MLLT3: variants seen among roughly 807,000 people sequenced by gnomAD.
The protein encoded by MLLT3 is MLLT3 super elongation complex subunit.
MLLT3 carries 4 observed loss-of-function variants against 53.2 expected under a neutral mutation model. The ratio of observed to expected loss-of-function variants is 0.08; its 90% CI spans 0.04 to 0.17. The LOEUF is 0.17. Ranked by LOEUF, MLLT3 falls within the 10% of genes least tolerant of loss-of-function variation. The pLI, the probability that MLLT3 is intolerant of heterozygous loss-of-function variation, is 1.00. For missense variants in MLLT3, 569 were observed against 684.0 expected (o/e 0.83, Z 1.87); for synonymous variants, 283 against 230.6 (o/e 1.23, Z -2.06).
At chr9:20,403,330 C>T (rs1253483178) in intron 5 of MLLT3, among the ~76,000 whole-genome samples, 1 of 152,090 alleles carries the variant, frequency 6.6e-6, no homozygotes. Context: ...AGTACCTAAG[C>T]CTTGAGAGGT....
chr9:20,364,833 G>A (rs917845478), intron 6 of MLLT3, among the ~76,000 whole-genome samples: 12 of 152,048 alleles, frequency 7.9e-5, no homozygotes, highest in Non-Finnish European at 1.3e-4. Context: ...TGATACCTAT[G>A]CATTTTTCAT....
intron 2 of MLLT3, among the ~76,000 whole-genome samples, chr9:20,568,325 G>A (rs1332947334): frequency 1.3e-5 from 2 of 152,046 alleles, no homozygotes; most frequent in African/African-American, 4.8e-5. Flanking sequence ...CTACTTTTCT[G>A]AATATTTTTA....
At chr9:20,431,436 G>A (rs1359482523) in intron 4 of MLLT3, among the ~76,000 whole-genome samples, 1 of 152,072 alleles carries the variant, frequency 6.6e-6, no homozygotes, top group Non-Finnish European at 1.5e-5. Context: ...GTTTAGGTAA[G>A]GCTGGAAAGC....
Position 20,433,474 on chromosome 9 carries a change from A to C in MLLT3, c.420+14649T>G, listed in dbSNP as rs533382312. Among the ~76,000 whole-genome samples the C allele has an allele frequency of 7.9e-5, 12 of 152,238 alleles. No homozygotes were observed. The East Asian group carries it at 1.9e-3, about 25-fold the overall frequency. On this transcript the variant is annotated intron_variant, in intron 4 of 10. Transcript: ENST00000380338. Reference sequence around the variant, plus strand: ...AGTACCTTCCAATAAAACACTTATTAATTACAGAGAGAAACTGTACAGTGG... The same window carrying C: ...AGTACCTTCCAATAAAACACTTATTCATTACAGAGAGAAACTGTACAGTGG...
intron 2 of MLLT3, among the ~76,000 whole-genome samples, chr9:20,615,360 G>GAAAAAAAAAAAAAAAAAAAAAAAAA (rs10601830): frequency 2.1e-5 from 1 of 48,758 alleles, no homozygotes; most frequent in Non-Finnish European, 3.8e-5. Context: ...CAGACCATGT[G>GAAAAAAAAAAAAAAAAAAAAAAAAA]AAAAAAAAAA....
At chr9:20,570,160 G>C (rs1387692567) in intron 2 of MLLT3, among the ~76,000 whole-genome samples, 1 of 152,058 alleles carries the variant, frequency 6.6e-6, no homozygotes, top group Non-Finnish European at 1.5e-5. Context: ...TAAAATTCTA[G>C]ACCTTGGCTT....
intron 2 of MLLT3, among the ~76,000 whole-genome samples, chr9:20,570,936 T>C (rs982301199): frequency 6.6e-6 from 1 of 152,230 alleles, no homozygotes. Flanking sequence ...AGATGAGTCA[T>C]ACCTAGACTT....
chr9:20,502,500 C>T (rs1208158611), intron 2 of MLLT3, among the ~76,000 whole-genome samples: 3 of 152,126 alleles, frequency 2.0e-5, no homozygotes, highest in Non-Finnish European at 4.4e-5. Context: ...TCTGTGGATT[C>T]AACCAACCAC....
rs1471717377 is a variant in MLLT3, at chr9:20,432,524, C to G, written c.420+15599G>C. Among the ~76,000 whole-genome samples the G allele has an allele frequency of 2.6e-5, 4 of 152,008 alleles. No homozygotes were observed. In the South Asian group the frequency reaches 8.3e-4, roughly 32 times the overall value. ...AACCGTAGGGCAGAATTAGCTGATA[C>G]GTAACTTCAGCAATACCCCTTTGTC... On this transcript the variant is annotated intron_variant, in intron 4 of 10. Coordinates refer to ENST00000380338, the MANE Select transcript of MLLT3 (RefSeq NM_004529.4).
At chr9:20,528,541 G>GC (rs1818256664) in intron 2 of MLLT3, among the ~76,000 whole-genome samples, 1 of 152,186 alleles carries the variant, frequency 6.6e-6, no homozygotes, top group Admixed American at 6.5e-5. Flanking sequence ...TCAGAGCTGC[G>GC]CTCCCCACAA....
chr9:20,429,401 A>T (rs1419330221), intron 4 of MLLT3, among the ~76,000 whole-genome samples: 1 of 152,098 alleles, frequency 6.6e-6, no homozygotes, highest in East Asian at 1.9e-4. Context: ...AAAAGGAAAC[A>T]TATTTTATTT....
intron 2 of MLLT3, among the ~76,000 whole-genome samples, chr9:20,521,019 A>AT (rs1466134752): frequency 1.3e-5 from 2 of 152,142 alleles, no homozygotes; most frequent in East Asian, 1.9e-4. Context: ...CTTTGAAATA[A>AT]TTTTTTTAAA....
chr9:20,454,752 A>G (rs1823919166), intron 3 of MLLT3, among the ~76,000 whole-genome samples: 1 of 152,200 alleles, frequency 6.6e-6, no homozygotes, highest in African/African-American at 2.4e-5. Context: ...AACTTCTAAG[A>G]TATTAAAAGG....
At chr9:20,458,733 G>A (rs1824035490) in intron 2 of MLLT3, among the ~76,000 whole-genome samples, 1 of 152,188 alleles carries the variant, frequency 6.6e-6, no homozygotes, top group Non-Finnish European at 1.5e-5. Flanking sequence ...AGAACTGTGA[G>A]AAATCCATTT....
chr9:20,557,282 C>A (rs1360769624), intron 2 of MLLT3, among the ~76,000 whole-genome samples: 1 of 151,968 alleles, frequency 6.6e-6, no homozygotes, highest in Non-Finnish European at 1.5e-5. Context: ...GGGTTGAGGG[C>A]ATGGAATGTG....
chr9:20,341,823 C>T lies in MLLT3; in HGVS notation c.*4620G>A, dbSNP rs1428785510. ...ATAGCACATTGTTTCTGAACAAAAC[C>T]CTCCAAAGAAATAGGGGGGAAAGAA... On this transcript the variant is annotated 3_prime_UTR_variant, in exon 11 of 11. Transcript: ENST00000380338. 1 of 203,836 alleles carries T rather than the reference C, an allele frequency of 4.9e-6. No homozygotes were observed. Among genetic ancestry groups the T allele is most frequent in the Admixed American group, 6.0e-5 (1 of 16,720 alleles). The allele number at this position is 203,836 out of a possible 1,614,324, so 12.6% of individuals were successfully genotyped here. A position where few individuals can be genotyped will look rare whatever the true frequency, so the allele number is the denominator to read the frequency against.
chr9:20,555,258 T>C (rs1428792922), intron 2 of MLLT3, among the ~76,000 whole-genome samples: 1 of 152,178 alleles, frequency 6.6e-6, no homozygotes, highest in Admixed American at 6.5e-5. Context: ...AGCATTTTGG[T>C]TGAAAACACA....
chr9:20,614,092 C>T (rs1563844364), intron 2 of MLLT3, among the ~76,000 whole-genome samples: 1 of 152,114 alleles, frequency 6.6e-6, no homozygotes, highest in East Asian at 1.9e-4. Flanking sequence ...GCTTTATCTC[C>T]AGCTCTAAGA....
intron 2 of MLLT3, among the ~76,000 whole-genome samples, chr9:20,606,098 T>A (rs769773034): frequency 6.6e-6 from 1 of 152,122 alleles, no homozygotes; most frequent in Non-Finnish European, 1.5e-5. Context: ...GAGAATTCAA[T>A]AACGTAAAAC....
Sources: gnomAD v4.1 joint callset for allele counts (sites outside exome capture counted in the v4.1 genomes callset) on GRCh38, gnomAD v4.1.1 for gene constraint, MANE v1.5 for transcripts, NCBI Gene and HGNC (gene_info 2026-07-23, HGNC 2026-07-21) for gene names.